The following SYAP1 variants were observed in gnomAD, a reference collection of about 807,000 sequenced individuals.
The protein encoded by SYAP1 is synapse associated protein 1, also known as synapse-associated protein 1.
Under a neutral mutation model 29.6 loss-of-function variants are expected in SYAP1, and 3 were observed. That is an observed-to-expected ratio of 0.10 (90% CI 0.05 to 0.26). The LOEUF is 0.26. Ranked by LOEUF, SYAP1 falls within the 10% of genes least tolerant of loss-of-function variation. The pLI, the probability that SYAP1 is intolerant of heterozygous loss-of-function variation, is 1.00. For missense variants in SYAP1, 217 were observed against 264.1 expected (o/e 0.82, Z 1.24); for synonymous variants, 102 against 102.7 (o/e 0.99, Z 0.04).
intron 1 of SYAP1, among the ~76,000 whole-genome samples, chrX:16,725,065 T>C (rs970267039): frequency 8.9e-6 from 1 of 112,440 alleles, no homozygotes; most frequent in African/African-American, 3.2e-5. Context: ...TCAGCTTCCC[T>C]TTTTTTGAAC....
intron 4 of SYAP1, among the ~76,000 whole-genome samples, chrX:16,742,080 C>T (rs1401066747): frequency 3.8e-5 from 4 of 106,625 alleles, no homozygotes; most frequent in Non-Finnish European, 7.7e-5. Context: ...ATTCTCCTGC[C>T]TCAGCCTCCT....
At chrX:16,755,176 G>A in intron 6 of SYAP1, 83 bp downstream of exon 6, 1 of 986,500 alleles carries the variant, frequency 1.0e-6, no homozygotes, top group Non-Finnish European at 1.4e-6. Flanking sequence ...ATACGTACCA[G>A]AAATGTCATT....
intron 5 of SYAP1, among the ~76,000 whole-genome samples, chrX:16,753,576 G>A (rs944168177): frequency 7.2e-5 from 8 of 111,419 alleles, no homozygotes; most frequent in Non-Finnish European, 1.5e-4. Context: ...CATTTCCCCA[G>A]GGAGCTCTGG....
chrX:16,732,983 C>T (rs376483867), intron 1 of SYAP1, among the ~76,000 whole-genome samples: 11 of 111,800 alleles, frequency 9.8e-5, no homozygotes, highest in Non-Finnish European at 1.9e-4. Flanking sequence ...ACAGGATGTG[C>T]GGAGGGAACA....
At chrX:16,725,528 G>C (rs1481949022) in intron 1 of SYAP1, among the ~76,000 whole-genome samples, 2 of 111,943 alleles carry the variant, frequency 1.8e-5, no homozygotes, top group Admixed American at 1.9e-4. Flanking sequence ...CGTGGTGTCA[G>C]CTGATCTCTT....
At chrX:16,731,572 G>T (rs1233601879) in intron 1 of SYAP1, among the ~76,000 whole-genome samples, 1 of 112,059 alleles carries the variant, frequency 8.9e-6, no homozygotes. Flanking sequence ...AAGATCAGAG[G>T]TTAGGGTATT....
At chrX:16,756,585 T>C (rs1463960466) in intron 6 of SYAP1, 78 bp from the exon 7 acceptor site, 1 of 841,125 alleles carries the variant, frequency 1.2e-6, no homozygotes, top group Non-Finnish European at 1.7e-6. Context: ...ATAATACTTG[T>C]GGATATTTTA....
At chrX:16,747,629 A>C (rs1926636847) in intron 5 of SYAP1, among the ~76,000 whole-genome samples, 1 of 112,573 alleles carries the variant, frequency 8.9e-6, no homozygotes, top group Non-Finnish European at 1.9e-5. Context: ...AGATTTTTTG[A>C]AACTGTCTGA....
chrX:16,732,383 T>C (rs1486828718), intron 1 of SYAP1, among the ~76,000 whole-genome samples: 1 of 103,534 alleles, frequency 9.7e-6, no homozygotes, highest in Non-Finnish European at 2.0e-5. Flanking sequence ...GTCACTGGCT[T>C]TTTTTTTTTT....
intron 3 of SYAP1, among the ~76,000 whole-genome samples, chrX:16,738,435 G>T (rs1364811547): frequency 9.0e-6 from 1 of 111,328 alleles, no homozygotes; most frequent in African/African-American, 3.3e-5. Context: ...TAATAAAGAT[G>T]CAGTCAGCAA....
At chrX:16,724,367 A>G (rs1387249383) in intron 1 of SYAP1, among the ~76,000 whole-genome samples, 1 of 111,718 alleles carries the variant, frequency 9.0e-6, no homozygotes, top group Non-Finnish European at 1.9e-5. Context: ...AGACCCCACA[A>G]GGAAAGCGGG....
intron 5 of SYAP1, among the ~76,000 whole-genome samples, chrX:16,753,815 G>A (rs1926787174): frequency 9.0e-6 from 1 of 110,950 alleles, no homozygotes; most frequent in Non-Finnish European, 1.9e-5. Flanking sequence ...CCTCTCTGAT[G>A]GTGAGAAACC....
intron 3 of SYAP1, among the ~76,000 whole-genome samples, chrX:16,738,290 C>G (rs1602326046): frequency 9.0e-6 from 1 of 111,562 alleles, no homozygotes; most frequent in Non-Finnish European, 1.9e-5. Context: ...TGGCACACAC[C>G]TGTAATCCCA....
intron 8 of SYAP1, among the ~76,000 whole-genome samples, chrX:16,758,658 A>G (rs1926909012): frequency 9.1e-6 from 1 of 109,933 alleles, no homozygotes; most frequent in Non-Finnish European, 1.9e-5. Flanking sequence ...TATATATTAT[A>G]TATCTTGGCT....
chrX:16,757,063 TA>T, intron 7 of SYAP1, 98 bp from the exon 8 acceptor site: 1 of 1,030,528 alleles, frequency 9.7e-7, no homozygotes, highest in Non-Finnish European at 1.3e-6. Flanking sequence ...AGAAAAGAAA[TA>T]AAAATAGCAC....
chrX:16,751,010 G>A (rs1926718003), intron 5 of SYAP1, among the ~76,000 whole-genome samples: 1 of 108,139 alleles, frequency 9.2e-6, no homozygotes, highest in African/African-American at 3.4e-5. Context: ...CAGGTGATCC[G>A]CCCTCCTTAG....
rs144175479 is a variant in SYAP1 at position 16,742,143 on chromosome X, G to GTTTTTTTTTTTTTTTTTTTTT, written c.435+360_435+380dup. 2.6e-4 allele frequency among the ~76,000 whole-genome samples: 11 copies of GTTTTTTTTTTTTTTTTTTTTT among 41,863 alleles called. 1 individual carries two copies. The highest frequency in any genetic ancestry group is 1.5e-3 in the African/African-American group (11 of 7,531). The allele number at this position is 41,863 out of a possible 115,157, so 36.4% of individuals were successfully genotyped here. The stretch of plus-strand genomic sequence containing the variant: ...ACCATGCCCAGCTAATTTTTGTGTG[G>GTTTTTTTTTTTTTTTTTTTTT]TTTTTTTTTTTTTTTTTTTTTTTTT... On this transcript the variant is annotated intron_variant, in intron 4 of 8. Coordinates refer to ENST00000380155, the MANE Select transcript of SYAP1 (RefSeq NM_032796.4).
chrX:16,742,395 C>T (rs1926486272), intron 4 of SYAP1, among the ~76,000 whole-genome samples: 1 of 108,398 alleles, frequency 9.2e-6, no homozygotes, highest in African/African-American at 3.4e-5. Flanking sequence ...CGTGATCCAC[C>T]CTCACCTCAG....
intron 3 of SYAP1, among the ~76,000 whole-genome samples, chrX:16,741,274 C>G (rs922578041): frequency 9.0e-6 from 1 of 111,387 alleles, no homozygotes; most frequent in Non-Finnish European, 1.9e-5. Flanking sequence ...TCACAGCTCA[C>G]TACAGCCTTG....
Sources: gnomAD v4.1 joint callset for allele counts (sites outside exome capture counted in the v4.1 genomes callset) on GRCh38, gnomAD v4.1.1 for gene constraint, MANE v1.5 for transcripts, NCBI Gene and HGNC (gene_info 2026-07-23, HGNC 2026-07-21) for gene names.